Variants in CILK1 observed in about 807,000 individuals in gnomAD.
CILK1 encodes the protein ciliogenesis associated kinase 1.
A neutral mutation model predicts 79.2 loss-of-function variants in CILK1; 47 were observed. The ratio of observed to expected loss-of-function variants is 0.59; its 90% CI spans 0.47 to 0.76. CILK1 has a LOEUF of 0.76. CILK1 is among the 30% of genes least tolerant of loss of function. The pLI, the probability that CILK1 is intolerant of heterozygous loss-of-function variation, is 0.00. For synonymous variants in CILK1, 266 were observed against 275.9 expected (o/e 0.96, Z 0.36); for missense variants, 660 against 769.5 (o/e 0.86, Z 1.68).
intron 8 of CILK1, 144 bp downstream of exon 8, chr6:53,015,939 T>C: frequency 1.2e-6 from 1 of 805,564 alleles, no homozygotes; most frequent in Non-Finnish European, 2.0e-6. Context: ...CTATTTTAAG[T>C]TCTCATACCT....
intron 1 of CILK1, among the ~76,000 whole-genome samples, chr6:53,047,115 G>A (rs1306132701): frequency 6.6e-6 from 1 of 152,146 alleles, no homozygotes; most frequent in African/African-American, 2.4e-5. Context: ...AAGCAGGTCA[G>A]GATGGGGGCT....
chr6:53,012,795 C>G (rs1764653761), intron 9 of CILK1, among the ~76,000 whole-genome samples: 1 of 152,206 alleles, frequency 6.6e-6, no homozygotes, highest in African/African-American at 2.4e-5. Flanking sequence ...TGGGAGCCAG[C>G]AGTCAGCAAA....
chr6:53,010,383 C>T (rs1461369279), intron 11 of CILK1, among the ~76,000 whole-genome samples: 1 of 152,210 alleles, frequency 6.6e-6, no homozygotes, highest in African/African-American at 2.4e-5. Flanking sequence ...CAGCCTGTGC[C>T]GCCATCTCCC....
chr6:53,012,989 T>C (rs1183633818), intron 9 of CILK1, among the ~76,000 whole-genome samples: 3 of 152,256 alleles, frequency 2.0e-5, no homozygotes, highest in Non-Finnish European at 4.4e-5. Flanking sequence ...GCTCAGTTAA[T>C]AGCCCAGCAT....
intron 1 of CILK1, among the ~76,000 whole-genome samples, chr6:53,060,761 C>T (rs1366560668): frequency 6.6e-6 from 1 of 152,200 alleles, no homozygotes; most frequent in African/African-American, 2.4e-5. Context: ...ATTTAAAGCT[C>T]ATTTAAACTT....
At chr6:53,045,871 T>C (rs1054807118) in intron 1 of CILK1, among the ~76,000 whole-genome samples, 5 of 152,000 alleles carry the variant, frequency 3.3e-5, no homozygotes, top group Non-Finnish European at 7.4e-5. Flanking sequence ...ACAATGTCTT[T>C]ATTTTTATTT....
chr6:53,016,098 T>A lies in CILK1; in HGVS notation c.816A>T (p.Arg272=), dbSNP rs868057037. The change falls in exon 8 of 14, where the codon CGA becomes CGT. Residue 272 remains arginine (R), a synonymous_variant. Coordinates refer to ENST00000676107, the MANE Select transcript of CILK1 (RefSeq NM_014920.5). ...GGAAGAAAACCTGACTAGCTGTTGG[T>A]CGTTTCTTGGGATCCCACTGAAGCA... ...RDMLQWDPKK[R]PTASQALRYP... is the part of the protein sequence containing the mutation. 2.3e-5 allele frequency: 37 copies of A among 1,614,052 alleles called. 1 individual carries two copies. In the Middle Eastern group the frequency reaches 2.1e-3, roughly 94 times the overall value.
chr6:53,023,339 A>C (rs1765371998), intron 5 of CILK1, among the ~76,000 whole-genome samples: 1 of 152,160 alleles, frequency 6.6e-6, no homozygotes, highest in Non-Finnish European at 1.5e-5. Context: ...CTCATAATAT[A>C]CTCTTGCTGA....
At chr6:53,021,086 C>T (rs529962233) in intron 5 of CILK1, among the ~76,000 whole-genome samples, 6 of 152,250 alleles carry the variant, frequency 3.9e-5, no homozygotes, top group African/African-American at 1.2e-4. Context: ...TTTGGGAGGC[C>T]GAGGCGGGCG....
At chr6:53,007,778 A>G (rs1764315754) in intron 12 of CILK1, among the ~76,000 whole-genome samples, 1 of 150,648 alleles carries the variant, frequency 6.6e-6, no homozygotes, top group Admixed American at 6.6e-5. Flanking sequence ...AAAAATACAA[A>G]AAAAAAAAAA....
At chr6:53,026,417 G>A (rs1280347103) in intron 5 of CILK1, among the ~76,000 whole-genome samples, 1 of 152,140 alleles carries the variant, frequency 6.6e-6, no homozygotes, top group Non-Finnish European at 1.5e-5. Context: ...CCAAAGTGCT[G>A]GGATTACAGG....
intron 7 of CILK1, 134 bp downstream of exon 7, chr6:53,018,196 G>A (rs1765002631): frequency 1.2e-6 from 1 of 849,796 alleles, no homozygotes; most frequent in Non-Finnish European, 2.0e-6. Flanking sequence ...GTGGGCAGTG[G>A]AGAATGACTG....
At chr6:53,051,559 G>A (rs1461459964) in intron 1 of CILK1, among the ~76,000 whole-genome samples, 1 of 152,126 alleles carries the variant, frequency 6.6e-6, no homozygotes, top group East Asian at 1.9e-4. Flanking sequence ...ACATTTTCTT[G>A]TCTTCTGTTT....
Position 53,021,012 on chromosome 6 carries a change from G to A in CILK1, c.359-1653C>T, listed in dbSNP as rs1441830693. On this transcript the variant is annotated intron_variant, in intron 5 of 13. Transcript: ENST00000676107. ...CCTTACCCAGTTATGAGATTGTGTCGTATTTTCTATCAAAACATCTCATAT... is the reference window on the plus strand; with the variant it reads ...CCTTACCCAGTTATGAGATTGTGTCATATTTTCTATCAAAACATCTCATAT... Among the ~76,000 whole-genome samples the A allele has an allele frequency of 5.3e-5, 8 of 152,196 alleles. No homozygotes were observed. The South Asian group carries it at 8.3e-4, about 16-fold the overall frequency.
At chr6:53,007,759 G>A (rs1296546968) in intron 12 of CILK1, among the ~76,000 whole-genome samples, 2 of 145,752 alleles carry the variant, frequency 1.4e-5, no homozygotes, top group African/African-American at 2.6e-5. Context: ...GTGAAACCCT[G>A]TTTCTACTAA....
intron 5 of CILK1, among the ~76,000 whole-genome samples, chr6:53,021,052 G>C (rs1765204099): frequency 6.6e-6 from 1 of 152,206 alleles, no homozygotes; most frequent in African/African-American, 2.4e-5. Flanking sequence ...TAGGCGCGGT[G>C]GCTCACGCCT....
At position 53,005,140 on chromosome 6, in the gene CILK1, G is replaced by C. The variant is rs753496041; in HGVS notation, c.*9C>G. The C allele has an allele frequency of 1.9e-6, 3 of 1,614,106 alleles. No individual in the cohort carries two copies. Among genetic ancestry groups the C allele is most frequent in the Admixed American group, 1.7e-5 (1 of 60,032 alleles). On this transcript the variant is annotated 3_prime_UTR_variant, in exon 14 of 14. Coordinates refer to ENST00000676107, the MANE Select transcript of CILK1 (RefSeq NM_014920.5). ...TCCCTAGGAAGAGATTCATCACCAA[G>C]GCAGACAGTCATCGCCGAGATGCGT...
At chr6:53,059,570 G>C (rs1033452331) in intron 1 of CILK1, among the ~76,000 whole-genome samples, 1 of 152,212 alleles carries the variant, frequency 6.6e-6, no homozygotes, top group African/African-American at 2.4e-5. Context: ...TCTAGGGAAA[G>C]CACTATGAGC....
intron 1 of CILK1, among the ~76,000 whole-genome samples, chr6:53,046,861 G>T (rs772844925): frequency 1.3e-5 from 2 of 152,168 alleles, no homozygotes; most frequent in Non-Finnish European, 2.9e-5. Flanking sequence ...GGGAGGAGGA[G>T]AGAGATCTGA....
Sources: gnomAD v4.1 joint callset for allele counts (sites outside exome capture counted in the v4.1 genomes callset) on GRCh38, gnomAD v4.1.1 for gene constraint, MANE v1.5 for transcripts, NCBI Gene and HGNC (gene_info 2026-07-23, HGNC 2026-07-21) for gene names.